The following KIT variants were observed in gnomAD, a reference collection of about 807,000 sequenced individuals.
KIT encodes the protein mast/stem cell growth factor receptor Kit.
Under a neutral mutation model 105.7 loss-of-function variants are expected in KIT, and 16 were observed. The observed-to-expected ratio is 0.15, with a 90% CI of 0.10 to 0.23. KIT has a LOEUF of 0.23. KIT is among the 10% of genes least tolerant of loss of function. The probability of loss-of-function intolerance (pLI) is 1.00; values close to 1 mark genes in which losing one functional copy is unlikely to be tolerated. For missense variants in KIT, 858 were observed against 1,213.8 expected, an observed-to-expected ratio of 0.71 and a Z score of 4.36; for synonymous variants, 438 against 441.1, an observed-to-expected ratio of 0.99 and a Z score of 0.09.
intron 1 of KIT, among the ~76,000 whole-genome samples, chr4:54,677,250 G>A (rs1238480544): frequency 4.4e-4 from 31 of 70,560 alleles, no homozygotes; most frequent in African/African-American, 1.4e-3. Flanking sequence ...CATCCCTCCC[G>A]CCCCCATCCC....
intron 17 of KIT, among the ~76,000 whole-genome samples, chr4:54,734,508 G>A (rs1722801970): frequency 6.6e-6 from 1 of 152,078 alleles, no homozygotes; most frequent in Non-Finnish European, 1.5e-5. Flanking sequence ...CTTGTTATTG[G>A]TTAGTGACCT....
intron 6 of KIT, 148 bp from the exon 7 acceptor site, chr4:54,709,272 ATTTG>A (rs1335202355): frequency 1.5e-6 from 1 of 660,616 alleles, no homozygotes; most frequent in African/African-American, 1.8e-5. Context: ...GTGTTTATGT[ATTTG>A]TTAATGTGGA....
At chr4:54,707,682 G>A (rs1173968385) in intron 6 of KIT, among the ~76,000 whole-genome samples, 1 of 152,166 alleles carries the variant, frequency 6.6e-6, no homozygotes, top group East Asian at 1.9e-4. Context: ...TTCGCTTCAG[G>A]CAGTGAACCC....
At chr4:54,675,206 C>G (rs765752302) in intron 1 of KIT, among the ~76,000 whole-genome samples, 51 of 152,200 alleles carry the variant, frequency 3.4e-4, no homozygotes, top group Admixed American at 1.9e-3. Flanking sequence ...TCTTACCCCT[C>G]TGCTTTTGGG....
intron 1 of KIT, among the ~76,000 whole-genome samples, chr4:54,676,602 A>G (rs148706182): frequency 1.8e-3 from 279 of 152,224 alleles, no homozygotes; most frequent in Non-Finnish European, 1.8e-3. Flanking sequence ...TGGAGGGAGC[A>G]GGGGAAGAGT....
chr4:54,714,967 A>G (rs1425000245), intron 7 of KIT, among the ~76,000 whole-genome samples: 1 of 152,220 alleles, frequency 6.6e-6, no homozygotes, highest in African/African-American at 2.4e-5. Context: ...AAATTAACTC[A>G]GAAGTCACCA....
intron 1 of KIT, among the ~76,000 whole-genome samples, chr4:54,680,753 A>G (rs2109604650): frequency 6.6e-6 from 1 of 152,220 alleles, no homozygotes; most frequent in African/African-American, 2.4e-5. Flanking sequence ...GACATTTTGC[A>G]GAAGCTTGAG....
intron 1 of KIT, among the ~76,000 whole-genome samples, chr4:54,689,532 T>C (rs1477677620): frequency 6.6e-6 from 1 of 152,110 alleles, no homozygotes; most frequent in Non-Finnish European, 1.5e-5. Context: ...CAAAACTAAA[T>C]AAAAATAGTG....
chr4:54,664,849 A>G (rs186883039), intron 1 of KIT, among the ~76,000 whole-genome samples: 90 of 150,864 alleles, frequency 6.0e-4, no homozygotes, highest in African/African-American at 2.1e-3. Context: ...CAGCCTCCCA[A>G]AATGCTGGGG....
At chr4:54,678,769 C>CT (rs912951244) in intron 1 of KIT, among the ~76,000 whole-genome samples, 4 of 152,156 alleles carry the variant, frequency 2.6e-5, no homozygotes, top group African/African-American at 9.7e-5. Flanking sequence ...GCTGGACCCA[C>CT]TTTTTGTTTT....
At chr4:54,709,091 G>T (rs932531501) in intron 6 of KIT, among the ~76,000 whole-genome samples, 2 of 151,992 alleles carry the variant, frequency 1.3e-5, no homozygotes, top group African/African-American at 2.4e-5. Flanking sequence ...ACCATGGGCA[G>T]GGGAGGAAGT....
intron 7 of KIT, among the ~76,000 whole-genome samples, chr4:54,721,061 A>C (rs1416167657): frequency 6.6e-6 from 1 of 152,210 alleles, no homozygotes; most frequent in Non-Finnish European, 1.5e-5. Flanking sequence ...TTCATCATAC[A>C]ACAGTGCTTA....
chr4:54,736,729 C>A lies in KIT; in HGVS notation c.2605C>A (p.Pro869Thr). The stretch of plus-strand genomic sequence containing the variant: ...TGCAAACTGTGTCTCAGGAAGCAGC[C>A]CCTATCCTGGAATGCCGGTCGATTC... The part of the protein sequence containing the change: ...LWELFSLGSS[P>T]YPGMPVDSKF... Residue 869 changes from proline to threonine, a missense_variant, in exon 19 of 21, where the codon CCC becomes ACC. Pro to Thr is a conservative substitution (Grantham distance 38, BLOSUM62 -1). Transcript: ENST00000288135. 1 of 1,614,046 alleles carries A rather than the reference C, an allele frequency of 6.2e-7. No individual in the cohort carries two copies. Among genetic ancestry groups the A allele is most frequent in the Non-Finnish European group, 8.5e-7 (1 of 1,179,960 alleles).
intron 1 of KIT, among the ~76,000 whole-genome samples, chr4:54,688,787 T>C (rs1719495019): frequency 6.6e-6 from 1 of 151,938 alleles, no homozygotes; most frequent in African/African-American, 2.4e-5. Flanking sequence ...TTAAACACTA[T>C]GTGAACTGAA....
intron 7 of KIT, among the ~76,000 whole-genome samples, chr4:54,715,673 C>CCAGA (rs1032330509): frequency 1.7e-4 from 26 of 152,180 alleles, no homozygotes; most frequent in African/African-American, 5.5e-4. Flanking sequence ...TCCCCATGAC[C>CCAGA]CAGACACCTC....
chr4:54,660,854 T>G (rs2855779), intron 1 of KIT, among the ~76,000 whole-genome samples: 4,493 of 152,088 alleles, frequency 0.03, 240 homozygotes, highest in African/African-American at 0.1. Flanking sequence ...ATTTAATGAG[T>G]TTTTACTATG....
At chr4:54,726,766 G>T (rs971588005) in intron 9 of KIT, among the ~76,000 whole-genome samples, 2 of 150,404 alleles carry the variant, frequency 1.3e-5, no homozygotes, top group Non-Finnish European at 3.0e-5. Context: ...GCAACGAAAA[G>T]AATACCTTAA....
chr4:54,731,965 G>T lies in KIT; in HGVS notation c.2328G>T (p.Val776=). ...ACTTGCTGAGCTTTTCTTACCAGGT[G>T]GCAAAGGGCATGGCTTTCCTCGCCT... The part of the protein sequence containing the change: ...LEDLLSFSYQ[V]AKGMAFLASK... The change falls in exon 16 of 21, where the codon GTG becomes GTT. Residue 776 remains valine (V), a synonymous_variant. Coordinates refer to ENST00000288135, the MANE Select transcript of KIT (RefSeq NM_000222.3). 6.2e-7 allele frequency: 1 copy of T among 1,613,624 alleles called. No individual in the cohort carries two copies. The highest frequency in any genetic ancestry group is 8.5e-7 in the Non-Finnish European group (1 of 1,179,750).
At chr4:54,728,646 G>A (rs1233496078) in intron 13 of KIT, among the ~76,000 whole-genome samples, 1 of 152,218 alleles carries the variant, frequency 6.6e-6, no homozygotes, top group Non-Finnish European at 1.5e-5. Context: ...AAACAAAGAT[G>A]TGTAAAATGA....
Sources: allele counts gnomAD v4.1 joint callset (sites outside exome capture counted in the v4.1 genomes callset), GRCh38; gene constraint gnomAD v4.1.1; transcripts MANE v1.5; gene names NCBI Gene and HGNC (gene_info 2026-07-23, HGNC 2026-07-21).